Variants in SRRM3 observed in about 807,000 individuals in gnomAD.
SRRM3 encodes the protein serine/arginine repetitive matrix protein 3.
A neutral mutation model predicts 66.2 loss-of-function variants in SRRM3; 27 were observed. That is an observed-to-expected ratio of 0.41 (90% CI 0.30 to 0.56). The LOEUF (loss-of-function observed/expected upper bound fraction) is 0.56, where lower values mean the gene tolerates loss of function less well. SRRM3 is among the 20% of genes least tolerant of loss of function. The pLI, the probability that SRRM3 is intolerant of heterozygous loss-of-function variation, is 0.32. For missense variants in SRRM3, 918 were observed against 991.9 expected (o/e 0.93, Z 1.00); for synonymous variants, 391 against 414.9 (o/e 0.94, Z 0.70).
chr7:76,233,686 T>A (rs1453808041), intron 1 of SRRM3, among the ~76,000 whole-genome samples: 1 of 152,092 alleles, frequency 6.6e-6, no homozygotes, highest in Non-Finnish European at 1.5e-5. Context: ...CTCTGGCAGA[T>A]GCTCCCAGGA....
intron 1 of SRRM3, among the ~76,000 whole-genome samples, chr7:76,221,419 G>A (rs1800717527): frequency 7.2e-6 from 1 of 138,978 alleles, no homozygotes; most frequent in Non-Finnish European, 1.5e-5. Flanking sequence ...CTGGAGTGCA[G>A]TGGCATGATC....
intron 11 of SRRM3, chr7:76,268,532 C>T (rs1280003011): frequency 6.6e-6 from 1 of 152,192 alleles, no homozygotes; most frequent in Non-Finnish European, 1.5e-5. Flanking sequence ...CAAACATGTA[C>T]GTGTTGGTCA....
Position 76,286,089 on chromosome 7 carries a change from G to A in SRRM3, c.*246G>A. 1.7e-6 allele frequency: 1 copy of A among 574,788 alleles called. No individual in the cohort carries two copies. The highest frequency in any genetic ancestry group is 3.2e-6 in the Non-Finnish European group (1 of 314,952). 35.6% of individuals were successfully genotyped at this position (574,788 alleles called of 1,614,324 possible). ...CCTCCTGTCCACCCACTGTGCCCGG[G>A]GAACAAAGAGCCGTTACGAACACAG... On this transcript the variant is annotated 3_prime_UTR_variant, in exon 15 of 15. Transcript: ENST00000611745.
chr7:76,221,029 C>A (rs1181758811), intron 1 of SRRM3, among the ~76,000 whole-genome samples: 1 of 151,902 alleles, frequency 6.6e-6, no homozygotes, highest in Non-Finnish European at 1.5e-5. Flanking sequence ...CCTCCCAGGC[C>A]TCTCCCTGCA....
intron 1 of SRRM3, among the ~76,000 whole-genome samples, chr7:76,231,538 C>T (rs1563615744): frequency 1.3e-5 from 2 of 152,244 alleles, no homozygotes; most frequent in African/African-American, 4.8e-5. Context: ...ATGTGCGGAA[C>T]AGCATGGCTC....
chr7:76,241,227 T>C (rs1801287560), intron 2 of SRRM3, among the ~76,000 whole-genome samples: 2 of 152,160 alleles, frequency 1.3e-5, no homozygotes, highest in South Asian at 2.1e-4. Context: ...TTTGAAGCTT[T>C]GGCCATGCTA....
At chr7:76,211,465 G>T (rs1446471158) in intron 1 of SRRM3, among the ~76,000 whole-genome samples, 1 of 152,068 alleles carries the variant, frequency 6.6e-6, no homozygotes, top group Non-Finnish European at 1.5e-5. Flanking sequence ...CCTTTTTTCC[G>T]TAGACAGCAG....
At chr7:76,232,259 G>C (rs1801034196) in intron 1 of SRRM3, among the ~76,000 whole-genome samples, 1 of 152,138 alleles carries the variant, frequency 6.6e-6, no homozygotes, top group Non-Finnish European at 1.5e-5. Flanking sequence ...AAGGCCAGGA[G>C]TGGTGGCTCA....
At chr7:76,269,035 G>A (rs1554610171) in intron 11 of SRRM3, 1 of 152,190 alleles carries the variant, frequency 6.6e-6, no homozygotes, top group African/African-American at 2.4e-5. Flanking sequence ...CGTACCTCTG[G>A]TCCTCTCTCC....
intron 2 of SRRM3, among the ~76,000 whole-genome samples, chr7:76,236,321 A>AG (rs1295175141): frequency 9.9e-5 from 15 of 151,374 alleles, no homozygotes; most frequent in Non-Finnish European, 2.1e-4. Flanking sequence ...AAAAAAAAAA[A>AG]AAAGAAAAGA....
At chr7:76,283,571 C>G (rs565299011) in intron 14 of SRRM3, 1 of 459,406 alleles carries the variant, frequency 2.2e-6, no homozygotes, top group African/African-American at 2.0e-5. Context: ...CCAGGCGGAC[C>G]CCTCTGCACA....
At chr7:76,279,276 A>T (rs1228563495) in intron 11 of SRRM3, among the ~76,000 whole-genome samples, 2 of 152,006 alleles carry the variant, frequency 1.3e-5, no homozygotes, top group African/African-American at 4.8e-5. Context: ...AAGAAAAAAG[A>T]AACAGCCTGC....
chr7:76,279,376 C>T (rs112194194), intron 11 of SRRM3, among the ~76,000 whole-genome samples: 1 of 151,828 alleles, frequency 6.6e-6, no homozygotes, highest in Admixed American at 6.6e-5. Flanking sequence ...GTGCCAAGTT[C>T]GGTGATAAAA....
At chr7:76,253,600 G>A (rs1801633772) in intron 3 of SRRM3, among the ~76,000 whole-genome samples, 1 of 151,588 alleles carries the variant, frequency 6.6e-6, no homozygotes, top group South Asian at 2.1e-4. Context: ...CAGCCTGGGT[G>A]ACAGAGCGAC....
chr7:76,235,242 G>T lies in SRRM3; in HGVS notation c.176G>T (p.Arg59Leu), dbSNP rs1554604700. The change falls in exon 2 of 15, where the codon CGC becomes CTC. Residue 59 changes from arginine (R) to leucine (L), a missense_variant. Physicochemically the swap from Arg to Leu is moderately radical, Grantham distance 102 (BLOSUM62 -2). Coordinates refer to ENST00000611745, the MANE Select transcript of SRRM3 (RefSeq NM_001110199.3). ...RAHREILDHE[R>L]KRRVELKCME... ...CACCGCGAGATCCTGGACCACGAGCGCAAGCGGCGGGTGGAGCTCAAGTGC... is the reference window on the plus strand; with the variant it reads ...CACCGCGAGATCCTGGACCACGAGCTCAAGCGGCGGGTGGAGCTCAAGTGC... 1 of 1,552,612 alleles carries T rather than the reference G, an allele frequency of 6.4e-7. No homozygotes were observed. The highest frequency in any genetic ancestry group is 8.6e-7 in the Non-Finnish European group (1 of 1,157,632).
chr7:76,203,822 A>G (rs57291052), intron 1 of SRRM3, among the ~76,000 whole-genome samples: 1,561 of 151,908 alleles, frequency 0.01, 26 homozygotes, highest in African/African-American at 0.036. Context: ...TCCTCTGAGT[A>G]TCAAGGCCCA....
chr7:76,259,667 CCTT>C (rs1213217218), intron 3 of SRRM3, among the ~76,000 whole-genome samples: 43 of 152,044 alleles, frequency 2.8e-4, no homozygotes, highest in African/African-American at 4.6e-4. Flanking sequence ...TCGGTTATCT[CCTT>C]CTTTTTTGCA....
chr7:76,258,161 G>T (rs1554608002), intron 3 of SRRM3, among the ~76,000 whole-genome samples: 1 of 152,144 alleles, frequency 6.6e-6, no homozygotes, highest in Non-Finnish European at 1.5e-5. Context: ...CTGCCACCAG[G>T]CTTGATTGAT....
At position 76,260,049 on chromosome 7, in the gene SRRM3, C is replaced by T. The variant is rs1381607861; in HGVS notation, c.464+15C>T. On this transcript the variant is annotated intron_variant, in intron 4 of 14. Transcript: ENST00000611745. ...CGCGGGTACAGGTCAGCGGCCGCCG[C>T]GGCGGGGGTGGGGGGCGCGCGGGGC... is the stretch of plus-strand genomic sequence containing the variant. 6.0e-6 allele frequency: 9 copies of T among 1,506,720 alleles called. No individual in the cohort carries two copies. In the Admixed American group the frequency reaches 1.3e-4, roughly 23 times the overall value. The allele number at this position is 1,506,720 out of a possible 1,614,324, so 93.3% of individuals were successfully genotyped here. A position where few individuals can be genotyped will look rare whatever the true frequency, so the allele number is the denominator to read the frequency against.
Sources: gnomAD v4.1 joint callset for allele counts (sites outside exome capture counted in the v4.1 genomes callset) on GRCh38, gnomAD v4.1.1 for gene constraint, MANE v1.5 for transcripts, NCBI Gene and HGNC (gene_info 2026-07-23, HGNC 2026-07-21) for gene names.